The following COLGALT2 variants were observed in gnomAD, a reference collection of about 807,000 sequenced individuals.
The protein encoded by COLGALT2 is procollagen galactosyltransferase 2.
Under a neutral mutation model 73.4 loss-of-function variants are expected in COLGALT2, and 49 were observed. The ratio of observed to expected loss-of-function variants is 0.67; its 90% CI spans 0.53 to 0.85. COLGALT2 has a LOEUF of 0.85. Ranked by LOEUF, COLGALT2 falls within the 40% of genes least tolerant of loss-of-function variation. The pLI, the probability that COLGALT2 is intolerant of heterozygous loss-of-function variation, is 0.00. For missense variants in COLGALT2, 722 were observed against 790.2 expected (o/e 0.91, Z 1.03); for synonymous variants, 295 against 307.6 (o/e 0.96, Z 0.43).
chr1:184,024,174 C>T (rs1398584271), intron 1 of COLGALT2, among the ~76,000 whole-genome samples: 1 of 152,026 alleles, frequency 6.6e-6, no homozygotes, highest in East Asian at 1.9e-4. Context: ...AAAGATTAGC[C>T]TATGCAACCC....
At chr1:183,977,705 C>T (rs1030604945) in intron 2 of COLGALT2, among the ~76,000 whole-genome samples, 7 of 151,652 alleles carry the variant, frequency 4.6e-5, no homozygotes, top group Non-Finnish European at 1.0e-4. Flanking sequence ...AGGAGTATTG[C>T]CTGAACCCAG....
intron 7 of COLGALT2, among the ~76,000 whole-genome samples, chr1:183,952,611 T>A (rs574329886): frequency 1.3e-5 from 2 of 152,330 alleles, no homozygotes; most frequent in East Asian, 3.9e-4. Flanking sequence ...CTACACTAAC[T>A]AAAATTTCAA....
At chr1:184,036,959 T>TGC in intron 1 of COLGALT2, 136 bp downstream of exon 1, 1 of 730,066 alleles carries the variant, frequency 1.4e-6, no homozygotes, top group Non-Finnish European at 1.9e-6. Context: ...AGGGGGTGTG[T>TGC]GCGCCAGATT....
chr1:183,973,564 GT>G (rs567560402), intron 4 of COLGALT2, 51 bp downstream of exon 4: 1 of 1,607,972 alleles, frequency 6.2e-7, no homozygotes, highest in African/African-American at 1.3e-5. Context: ...TGTTGACCGG[GT>G]GTTGCCTTGT....
chr1:183,985,737 C>T (rs1671469726), intron 1 of COLGALT2, among the ~76,000 whole-genome samples: 1 of 152,198 alleles, frequency 6.6e-6, no homozygotes. Flanking sequence ...ATCTATTGAT[C>T]TTGCTGCCTG....
At chr1:184,020,268 C>A (rs1649133504) in intron 1 of COLGALT2, among the ~76,000 whole-genome samples, 1 of 152,052 alleles carries the variant, frequency 6.6e-6, no homozygotes, top group South Asian at 2.1e-4. Context: ...ATATAATAAA[C>A]AAGAGTTAAC....
In COLGALT2 at chr1:183,940,466, G is replaced by C. The variant is rs542850872; in HGVS notation, c.1604+115C>G. ...GCTCTCTTAATCATAATTATGAGAA[G>C]ATCATTTAGGAAAGCAGTACAACTT... is the stretch of plus-strand genomic sequence containing the variant. On this transcript the variant is annotated intron_variant, in intron 11 of 11. Transcript: ENST00000361927. 1.6e-5 allele frequency: 15 copies of C among 941,460 alleles called. No homozygotes were observed. In the South Asian group the frequency reaches 1.9e-4, roughly 12 times the overall value. 58.3% of individuals were successfully genotyped at this position (941,460 alleles called of 1,614,324 possible). A position where few individuals can be genotyped will look rare whatever the true frequency, so the allele number is the denominator to read the frequency against.
At chr1:184,005,854 T>C (rs776246458) in intron 1 of COLGALT2, among the ~76,000 whole-genome samples, 2 of 152,124 alleles carry the variant, frequency 1.3e-5, no homozygotes, top group African/African-American at 4.8e-5. Flanking sequence ...GTGCAAGTTA[T>C]TGGATGGATG....
chr1:184,017,029 G>A (rs1053243339), intron 1 of COLGALT2, among the ~76,000 whole-genome samples: 2 of 152,156 alleles, frequency 1.3e-5, no homozygotes, highest in African/African-American at 2.4e-5. Context: ...AGTGTTATGT[G>A]CCATTTCAAA....
Position 183,978,424 on chromosome 1 carries a change from A to G in COLGALT2, c.360T>C (p.Pro120=). 31 of 1,599,810 alleles carry G rather than the reference A, an allele frequency of 1.9e-5. No homozygotes were observed. The highest frequency in any genetic ancestry group is 2.5e-5 in the Non-Finnish European group (29 of 1,167,592). ...TTGCTACTCACTCTGGTTCATCCAT[A>G]GGCCTCCACTCCACATAGTGATAGA... ...QRLYHYVEWR[P]MDEPESYPDE... Residue 120 remains proline (P), a synonymous_variant, in exon 2 of 12, where the codon CCT becomes CCC. Coordinates refer to ENST00000361927, the MANE Select transcript of COLGALT2 (RefSeq NM_015101.4).
chr1:184,000,825 ATTTTTTTTTT>A, intron 1 of COLGALT2, among the ~76,000 whole-genome samples: 1 of 113,226 alleles, frequency 8.8e-6, no homozygotes, highest in African/African-American at 3.5e-5. Flanking sequence ...TCAGCCCCCC[ATTTTTTTTTT>A]TTTTTTTTTT....
chr1:183,978,437 A>G lies in COLGALT2; in HGVS notation c.347T>C (p.Val116Ala). The G allele has an allele frequency of 6.2e-7, 1 of 1,609,762 alleles. No homozygotes were observed. The highest frequency in any genetic ancestry group is 1.1e-5 in the South Asian group (1 of 90,940). The change falls in exon 2 of 12, where the codon GTG becomes GCG. Residue 116 changes from valine (V) to alanine (A), a missense_variant. Coordinates refer to ENST00000361927, the MANE Select transcript of COLGALT2 (RefSeq NM_015101.4). ...LKNVQRLYHY[V>A]EWRPMDEPES... The stretch of plus-strand genomic sequence containing the variant: ...TGGTTCATCCATAGGCCTCCACTCC[A>G]CATAGTGATAGAGTCTCTGTACATT...
intron 1 of COLGALT2, among the ~76,000 whole-genome samples, chr1:183,987,232 C>T (rs1671512952): frequency 6.6e-6 from 1 of 152,146 alleles, no homozygotes; most frequent in Non-Finnish European, 1.5e-5. Context: ...TGTTTTCGTT[C>T]TCCTTTGGCC....
rs931110659 is a variant in COLGALT2 at position 184,037,511 on chromosome 1, C to A, written c.-154G>T. ...CGGCCGGCTCACACACTGGCCTCGG[C>A]GGCTGCGGTTCCCAGGACCCTCCCG... is the stretch of plus-strand genomic sequence containing the variant. On this transcript the variant is annotated 5_prime_UTR_variant, in exon 1 of 12. Transcript: ENST00000361927. The A allele has an allele frequency of 1.0e-5, 12 of 1,157,676 alleles. No homozygotes were observed. Among genetic ancestry groups the A allele is most frequent in the Non-Finnish European group, 1.3e-5 (12 of 941,806 alleles). The allele number at this position is 1,157,676 out of a possible 1,614,324, so 71.7% of individuals were successfully genotyped here.
chr1:184,017,719 A>G (rs1259707046), intron 1 of COLGALT2, among the ~76,000 whole-genome samples: 1 of 152,318 alleles, frequency 6.6e-6, no homozygotes, highest in African/African-American at 2.4e-5. Flanking sequence ...ATACATTGTG[A>G]TGGGCCCCTG....
At chr1:184,033,027 A>G (rs1649564915) in intron 1 of COLGALT2, among the ~76,000 whole-genome samples, 1 of 152,222 alleles carries the variant, frequency 6.6e-6, no homozygotes, top group Non-Finnish European at 1.5e-5. Flanking sequence ...TTAGTATGTT[A>G]CTTTTCAAAA....
intron 1 of COLGALT2, 26 bp from the exon 2 acceptor site, chr1:183,978,546 T>C: frequency 7.5e-7 from 1 of 1,340,412 alleles, no homozygotes; most frequent in Non-Finnish European, 1.1e-6. Flanking sequence ...CACAATATAG[T>C]TTAACTATGT....
intron 1 of COLGALT2, among the ~76,000 whole-genome samples, chr1:184,023,647 G>C (rs547753919): frequency 9.2e-5 from 13 of 142,034 alleles, no homozygotes; most frequent in African/African-American, 2.2e-4. Flanking sequence ...GTGAGGTGGG[G>C]GGGGGGGGCG....
chr1:183,954,787 T>A lies in COLGALT2; in HGVS notation c.1004A>T (p.Tyr335Phe). 4 of 1,613,276 alleles carry A rather than the reference T, an allele frequency of 2.5e-6. No homozygotes were observed. The highest frequency in any genetic ancestry group is 3.4e-6 in the Non-Finnish European group (4 of 1,179,362). Residue 335 changes from tyrosine (Y) to phenylalanine (F), a missense_variant, in exon 7 of 12, where the codon TAT becomes TTT. Coordinates refer to ENST00000361927, the MANE Select transcript of COLGALT2 (RefSeq NM_015101.4). ...PSQYVSVVPK[Y>F]PDKMGFDEIF... ...CTCATCAAATCCCATCTTGTCTGGA[T>A]ATTTAGGGACAACTGAGACATACTG...
Sources: allele counts gnomAD v4.1 joint callset (sites outside exome capture counted in the v4.1 genomes callset), GRCh38; gene constraint gnomAD v4.1.1; transcripts MANE v1.5; gene names NCBI Gene and HGNC (gene_info 2026-07-23, HGNC 2026-07-21).